Variants in ROR2 observed in about 807,000 individuals in gnomAD.
ROR2 encodes the protein ROR family WNT receptor 2.
Under a neutral mutation model 74.9 loss-of-function variants are expected in ROR2, and 33 were observed. The observed-to-expected ratio is 0.44, with a 90% CI of 0.33 to 0.59. The LOEUF is 0.59. Among genes scored for constraint, ROR2 ranks in the 20% least tolerant of loss-of-function variants. ROR2 has a pLI of 0.02. For synonymous variants in ROR2, 586 were observed against 558.7 expected, an observed-to-expected ratio of 1.05 and a Z score of -0.69; for missense variants, 1,216 against 1,313.8, an observed-to-expected ratio of 0.93 and a Z score of 1.15.
At chr9:91,919,761 G>A (rs1225997065) in intron 1 of ROR2, among the ~76,000 whole-genome samples, 2 of 152,086 alleles carry the variant, frequency 1.3e-5, no homozygotes, top group Non-Finnish European at 2.9e-5. Flanking sequence ...CCGGAGTGGG[G>A]AGGGTTTCAC....
At chr9:91,744,213 C>A in intron 4 of ROR2, among the ~76,000 whole-genome samples, 1 of 89,080 alleles carries the variant, frequency 1.1e-5, no homozygotes, top group East Asian at 4.1e-4. Flanking sequence ...AATTTGTTAA[C>A]TTTTTTTTTT....
At chr9:91,904,915 A>G (rs1023384027) in intron 1 of ROR2, among the ~76,000 whole-genome samples, 6 of 152,092 alleles carry the variant, frequency 3.9e-5, no homozygotes, top group Admixed American at 6.5e-5. Flanking sequence ...ACGTGTGCGC[A>G]CACACACCAC....
At position 91,869,946 on chromosome 9, in the gene ROR2, G is replaced by A. The variant is rs185930450; in HGVS notation, c.97+79921C>T. 3.3e-5 allele frequency among the ~76,000 whole-genome samples: 5 copies of A among 152,300 alleles called. No homozygotes were observed. The East Asian group carries it at 5.8e-4, about 18-fold the overall frequency. ...TATTCCTGCAAGATATTGGGAAGTA[G>A]TCAGTAACCTACAATCCGTGGGCCA... On this transcript the variant is annotated intron_variant, in intron 1 of 8. Coordinates refer to ENST00000375708, the MANE Select transcript of ROR2 (RefSeq NM_004560.4).
At chr9:91,839,567 T>A (rs750050604) in intron 1 of ROR2, among the ~76,000 whole-genome samples, 3 of 151,810 alleles carry the variant, frequency 2.0e-5, no homozygotes, top group African/African-American at 4.8e-5. Flanking sequence ...GGTATATGAA[T>A]GTGAGGGAGT....
At chr9:91,822,568 A>C (rs1443951148) in intron 1 of ROR2, among the ~76,000 whole-genome samples, 9 of 152,256 alleles carry the variant, frequency 5.9e-5, no homozygotes, top group African/African-American at 2.2e-4. Context: ...TAGAAATGGC[A>C]AAATTAGAAA....
chr9:91,814,829 A>T (rs544225279), intron 1 of ROR2, among the ~76,000 whole-genome samples: 2 of 152,334 alleles, frequency 1.3e-5, no homozygotes, highest in African/African-American at 4.8e-5. Flanking sequence ...GCATGGCTGG[A>T]CGATGGGCCC....
intron 1 of ROR2, among the ~76,000 whole-genome samples, chr9:91,915,951 G>A (rs1831122035): frequency 6.6e-6 from 1 of 152,192 alleles, no homozygotes; most frequent in African/African-American, 2.4e-5. Flanking sequence ...AAAATGAGGG[G>A]CAGGCGAGGC....
At chr9:91,751,363 G>A (rs1315629239) in intron 4 of ROR2, among the ~76,000 whole-genome samples, 1 of 152,148 alleles carries the variant, frequency 6.6e-6, no homozygotes, top group Non-Finnish European at 1.5e-5. Context: ...TCATTTACAA[G>A]AGACCTACAT....
chr9:91,863,719 G>A lies in ROR2; in HGVS notation c.97+86148C>T, dbSNP rs539488019. On this transcript the variant is annotated intron_variant, in intron 1 of 8. Coordinates refer to ENST00000375708, the MANE Select transcript of ROR2 (RefSeq NM_004560.4). ...CAGAATAGGCAAATCCATAGAGATG[G>A]AAAGGAGATTCGCAGATGGCTGGGC... 4.4e-4 allele frequency among the ~76,000 whole-genome samples: 67 copies of A among 152,268 alleles called. 1 individual carries two copies. The highest frequency in any genetic ancestry group is 8.5e-4 in the Non-Finnish European group (58 of 68,026).
At chr9:91,886,026 C>G (rs1233800081) in intron 1 of ROR2, among the ~76,000 whole-genome samples, 3 of 151,942 alleles carry the variant, frequency 2.0e-5, no homozygotes, top group Non-Finnish European at 4.4e-5. Context: ...CAGGTGTGCA[C>G]CACTACGTCC....
chr9:91,839,049 T>A (rs1051487756), intron 1 of ROR2, among the ~76,000 whole-genome samples: 2 of 152,048 alleles, frequency 1.3e-5, no homozygotes, highest in African/African-American at 4.8e-5. Flanking sequence ...AAGCACACAC[T>A]ACACAACATG....
chr9:91,861,670 CT>C, intron 1 of ROR2, among the ~76,000 whole-genome samples: 1 of 152,220 alleles, frequency 6.6e-6, no homozygotes, highest in African/African-American at 2.4e-5. Flanking sequence ...TACAGTGTAC[CT>C]TTTCATAACC....
At chr9:91,862,007 T>C (rs775453785) in intron 1 of ROR2, among the ~76,000 whole-genome samples, 14 of 152,050 alleles carry the variant, frequency 9.2e-5, no homozygotes, top group Non-Finnish European at 1.5e-4. Flanking sequence ...GGGGCCCCCA[T>C]GATGAGATTG....
At chr9:91,890,444 G>A (rs944503837) in intron 1 of ROR2, among the ~76,000 whole-genome samples, 4 of 152,308 alleles carry the variant, frequency 2.6e-5, no homozygotes, top group African/African-American at 9.6e-5. Context: ...ATAAGTAAGT[G>A]TTATGGTTTT....
chr9:91,851,348 C>T (rs1161501376), intron 1 of ROR2, among the ~76,000 whole-genome samples: 2 of 129,794 alleles, frequency 1.5e-5, no homozygotes, highest in East Asian at 2.2e-4. Flanking sequence ...AGCAAGACTC[C>T]GTCTCAAAAA....
intron 1 of ROR2, among the ~76,000 whole-genome samples, chr9:91,822,543 G>A (rs1828167633): frequency 6.6e-6 from 1 of 152,168 alleles, no homozygotes; most frequent in Non-Finnish European, 1.5e-5. Context: ...AAGCAGAGGA[G>A]GCTTTTCTTT....
chr9:91,949,914 G>C lies in ROR2; in HGVS notation c.50C>G (p.Ala17Gly). Residue 17 changes from alanine (A) to glycine (G), a missense_variant, in exon 1 of 9, where the codon GCC becomes GGC. Coordinates refer to ENST00000375708, the MANE Select transcript of ROR2 (RefSeq NM_004560.4). ...LPRRPLLCIP[A>G]VWAAAALLLS... is the part of the protein sequence containing the mutation. ...CAGAAGCGCGGCGGCCGCCCAGACGGCCGGGATGCACAGCAGCGGCCGCCG... is the reference window on the plus strand; with the variant it reads ...CAGAAGCGCGGCGGCCGCCCAGACGCCCGGGATGCACAGCAGCGGCCGCCG... 1 of 1,538,996 alleles carries C rather than the reference G, an allele frequency of 6.5e-7. No homozygotes were observed. Among genetic ancestry groups the C allele is most frequent in the East Asian group, 2.5e-5 (1 of 40,256 alleles).
At chr9:91,935,077 TA>T (rs1415770006) in intron 1 of ROR2, among the ~76,000 whole-genome samples, 1 of 152,122 alleles carries the variant, frequency 6.6e-6, no homozygotes. Context: ...AAGCATCCAC[TA>T]GGATCCATCT....
chr9:91,725,067 A>G lies in ROR2; in HGVS notation c.1427T>C (p.Met476Thr). 6.2e-7 allele frequency: 1 copy of G among 1,614,012 alleles called. No individual in the cohort carries two copies. Among genetic ancestry groups the G allele is most frequent in the Non-Finnish European group, 8.5e-7 (1 of 1,180,032 alleles). Residue 476 changes from methionine to threonine, a missense_variant, in exon 9 of 9, where the codon ATG becomes ACG. By Grantham distance (81) the Met-to-Thr change is moderately conservative. Transcript: ENST00000375708. The part of the protein sequence containing the change: ...KEISLSAVRF[M>T]EELGEDRFGK... ...AAACCGGTCCTCTCCCAGCTCCTCC[A>G]TGAACCTCACCGCAGACAGGCTGAT...
Sources: gnomAD v4.1 joint callset for allele counts (sites outside exome capture counted in the v4.1 genomes callset) on GRCh38, gnomAD v4.1.1 for gene constraint, MANE v1.5 for transcripts, NCBI Gene and HGNC (gene_info 2026-07-23, HGNC 2026-07-21) for gene names.